Variants in ZMYND11 observed in about 807,000 individuals in gnomAD.
The protein encoded by ZMYND11 is zinc finger MYND domain-containing protein 11.
Under a neutral mutation model 84.9 loss-of-function variants are expected in ZMYND11, and 9 were observed. The observed-to-expected ratio is 0.11, with a 90% CI of 0.06 to 0.18. The LOEUF is 0.18. ZMYND11 is among the 10% of genes least tolerant of loss of function. ZMYND11 has a pLI of 1.00. For missense variants in ZMYND11, 409 were observed against 761.0 expected (o/e 0.54, Z 5.44); for synonymous variants, 250 against 244.1 (o/e 1.02, Z -0.23).
In ZMYND11 at chr10:162,563, G is replaced by C. The variant is rs527598130; in HGVS notation, c.-19-17431G>C. ...CTTAGTTATTGAGGGTTTTTTATATGAATGAATGTTGAATTTTGTCAAGTG... is the reference window on the plus strand; with the variant it reads ...CTTAGTTATTGAGGGTTTTTTATATCAATGAATGTTGAATTTTGTCAAGTG... On this transcript the variant is annotated intron_variant, in intron 1 of 14. Transcript: ENST00000381604. Among the ~76,000 whole-genome samples, 21 of 152,028 alleles carry C rather than the reference G, an allele frequency of 1.4e-4. No individual in the cohort carries two copies. In the South Asian group the frequency reaches 4.4e-3, roughly 32 times the overall value.
intron 8 of ZMYND11, 120 bp downstream of exon 8, chr10:240,231 C>T (rs1950644637): frequency 1.1e-5 from 10 of 878,758 alleles, no homozygotes; most frequent in African/African-American, 1.7e-5. Flanking sequence ...TATTGCCGGG[C>T]GTGGGGGCTC....
rs558479307 is a variant in ZMYND11 at position 148,767 on chromosome 10, C to T, written c.-20+13208C>T. ...TCACCAGGGCCCCATCAGGGCTCTT[C>T]GTTTGCTCTTCTCACGGGACAGCAC... On this transcript the variant is annotated intron_variant, in intron 1 of 14. Transcript: ENST00000381604. The T allele has an allele frequency of 9.2e-5, 14 of 152,366 alleles. No individual in the cohort carries two copies. The South Asian group carries it at 1.7e-3, about 18-fold the overall frequency. The allele number at this position is 152,366 out of a possible 1,614,324, so 9.4% of individuals were successfully genotyped here.
chr10:135,255 C>T (rs1449336246), upstream of ZMYND11: 1 of 151,304 alleles, frequency 6.6e-6, no homozygotes, highest in Non-Finnish European at 1.5e-5. This position sits in a 1 kb window ranked among gnomAD's most constrained non-coding sequence, Gnocchi z 5.6. Flanking sequence ...CGCGGCGACC[C>T]GGCCGCCTAG....
At chr10:239,323 T>C (rs1950506848) in intron 6 of ZMYND11, 115 bp from the exon 7 acceptor site, 1 of 777,850 alleles carries the variant, frequency 1.3e-6, no homozygotes. Context: ...TACTGTGGGA[T>C]GGCAGTAGTC....
chr10:149,830 T>G lies in ZMYND11; in HGVS notation c.-20+14271T>G, dbSNP rs548072374. On this transcript the variant is annotated intron_variant, in intron 1 of 14. Transcript: ENST00000381604. ...CTAATGAAGTACATTATTTCAACAC[T>G]TCTTTCTCTTCCTTTTTAATGGAAC... 2.0e-5 allele frequency among the ~76,000 whole-genome samples: 3 copies of G among 152,280 alleles called. No individual in the cohort carries two copies. In the South Asian group the frequency reaches 6.2e-4, roughly 32 times the overall value.
chr10:157,672 T>G (rs1383435304), intron 1 of ZMYND11, among the ~76,000 whole-genome samples: 2 of 152,190 alleles, frequency 1.3e-5, no homozygotes, highest in East Asian at 3.9e-4. Context: ...ATAATTTTAA[T>G]AGACGCTATA....
chr10:238,790 CCCCCAGCCATAG>C (rs1950413141), intron 6 of ZMYND11, among the ~76,000 whole-genome samples: 1 of 152,126 alleles, frequency 6.6e-6, no homozygotes, highest in African/African-American at 2.4e-5. Flanking sequence ...TTACCTCCTA[CCCCCAGCCATAG>C]CCCCTTCTAA....
chr10:200,561 G>C (rs1942960289), intron 2 of ZMYND11, among the ~76,000 whole-genome samples: 1 of 151,884 alleles, frequency 6.6e-6, no homozygotes, highest in African/African-American at 2.4e-5. Context: ...ACAAGCATGA[G>C]CCACCACTTC....
At chr10:251,475 T>C (rs1191794908) in intron 14 of ZMYND11, among the ~76,000 whole-genome samples, 1 of 152,202 alleles carries the variant, frequency 6.6e-6, no homozygotes, top group East Asian at 1.9e-4. Flanking sequence ...CTAGTCTCCC[T>C]GGGTTCTTCC....
chr10:168,802 C>A (rs1210579530), intron 1 of ZMYND11, among the ~76,000 whole-genome samples: 1 of 152,094 alleles, frequency 6.6e-6, no homozygotes, highest in Non-Finnish European at 1.5e-5. Context: ...GAACACAAAC[C>A]CACAAGGAAA....
intron 1 of ZMYND11, among the ~76,000 whole-genome samples, chr10:139,411 T>G (rs1281970706): frequency 6.6e-6 from 1 of 152,150 alleles, no homozygotes; most frequent in Non-Finnish European, 1.5e-5. Flanking sequence ...TCTACCAATA[T>G]CTCTTACATA....
At chr10:188,283 A>C (rs2130863474) in intron 2 of ZMYND11, among the ~76,000 whole-genome samples, 1 of 152,282 alleles carries the variant, frequency 6.6e-6, no homozygotes, top group Middle Eastern at 3.4e-3. Flanking sequence ...TAAACTTTGA[A>C]TCACTGACTT....
chr10:215,151 A>C (rs1162195467), intron 3 of ZMYND11, among the ~76,000 whole-genome samples: 1 of 152,240 alleles, frequency 6.6e-6, no homozygotes, highest in Non-Finnish European at 1.5e-5. Context: ...TTGATCTCAC[A>C]TTTAATAATT....
intron 1 of ZMYND11, among the ~76,000 whole-genome samples, chr10:143,318 C>T (rs1426647890): frequency 6.6e-6 from 1 of 152,122 alleles, no homozygotes; most frequent in African/African-American, 2.4e-5. Context: ...GGGAAGCTCT[C>T]GCAACTTTTG....
chr10:240,378 C>A (rs1950672593), intron 8 of ZMYND11, among the ~76,000 whole-genome samples: 2 of 152,112 alleles, frequency 1.3e-5, no homozygotes, highest in Non-Finnish European at 2.9e-5. Context: ...GTGGTGTACG[C>A]CTGTAGTCCC....
intron 6 of ZMYND11, among the ~76,000 whole-genome samples, chr10:238,996 C>G (rs932559317): frequency 3.9e-5 from 6 of 152,140 alleles, no homozygotes; most frequent in Non-Finnish European, 8.8e-5. Context: ...ATAAATATAT[C>G]TTAGTAGTTA....
chr10:134,381 C>T (rs1277076803), upstream of ZMYND11: 1 of 152,178 alleles, frequency 6.6e-6, no homozygotes, highest in Non-Finnish European at 1.5e-5. Context: ...TCAAAGTATG[C>T]TTATCTCCGA....
chr10:229,674 G>C (rs960147215), intron 4 of ZMYND11, among the ~76,000 whole-genome samples: 1 of 152,114 alleles, frequency 6.6e-6, no homozygotes, highest in African/African-American at 2.4e-5. Flanking sequence ...TGAAAAAACC[G>C]AACAGGAGTG....
At chr10:242,303 T>TTTTTCAGATATTGTGTACTAAA (rs1951141461) in intron 10 of ZMYND11, among the ~76,000 whole-genome samples, 164 bp downstream of exon 10, 1 of 152,154 alleles carries the variant, frequency 6.6e-6, no homozygotes, top group Admixed American at 6.5e-5. Context: ...TTTCCAGATA[T>TTTTTCAGATATTGTGTACTAAA]TTTTCAGATA....
Sources: allele counts gnomAD v4.1 joint callset (sites outside exome capture counted in the v4.1 genomes callset), GRCh38; gene constraint gnomAD v4.1.1; non-coding constraint Gnocchi (gnomAD v3.1); transcripts MANE v1.5; gene names NCBI Gene and HGNC (gene_info 2026-07-23, HGNC 2026-07-21).